DLGAP1: variants seen among roughly 807,000 people sequenced by gnomAD.
The protein encoded by DLGAP1 is disks large-associated protein 1.
A neutral mutation model predicts 90.8 loss-of-function variants in DLGAP1; 11 were observed. The ratio of observed to expected loss-of-function variants is 0.12; its 90% confidence interval spans 0.08 to 0.20. The LOEUF is 0.20. DLGAP1 is among the 10% of genes least tolerant of loss of function. The probability of loss-of-function intolerance (pLI) is 1.00; values close to 1 mark genes in which losing one functional copy is unlikely to be tolerated. For missense variants in DLGAP1, 1,050 were observed against 1,333.8 expected (o/e 0.79, Z 3.31); for synonymous variants, 558 against 540.7 (o/e 1.03, Z -0.44).
chr18:3,934,671 C>T (rs966311391), intron 3 of DLGAP1, among the ~76,000 whole-genome samples: 8 of 152,294 alleles, frequency 5.3e-5, no homozygotes, highest in Admixed American at 5.2e-4. Context: ...TATCAAAGAT[C>T]ACACACGCTG....
intron 1 of DLGAP1, among the ~76,000 whole-genome samples, chr18:4,246,874 A>AAAAGG (rs71160949): frequency 0.6 from 91,451 of 151,596 alleles, 28,956 homozygotes; most frequent in East Asian, 0.82. Context: ...TCAGAAAAAG[A>AAAAGG]AAAGAAAAAG....
chr18:3,656,201 G>T, intron 7 of DLGAP1: 1 of 1,160,532 alleles, frequency 8.6e-7, no homozygotes, highest in Non-Finnish European at 1.2e-6. Flanking sequence ...CTTCAGATTT[G>T]GATTTTTCTT....
chr18:3,818,838 C>T (rs1242356507), intron 4 of DLGAP1, among the ~76,000 whole-genome samples: 1 of 151,350 alleles, frequency 6.6e-6, no homozygotes, highest in Non-Finnish European at 1.5e-5. Context: ...TCATGATCTG[C>T]CTGCCTCGGC....
At chr18:4,253,728 C>T (rs563294854) in intron 1 of DLGAP1, among the ~76,000 whole-genome samples, 50 of 152,262 alleles carry the variant, frequency 3.3e-4, no homozygotes, top group Non-Finnish European at 4.4e-4. Context: ...ATTATCAAGA[C>T]ACTACCCTTT....
At chr18:3,646,742 G>C (rs1365016589) in intron 7 of DLGAP1, among the ~76,000 whole-genome samples, 1 of 151,980 alleles carries the variant, frequency 6.6e-6, no homozygotes, top group Non-Finnish European at 1.5e-5. Flanking sequence ...GGCTAACACG[G>C]TGAAACCTCG....
At chr18:4,016,557 C>T (rs955194532) in intron 2 of DLGAP1, among the ~76,000 whole-genome samples, 1 of 152,188 alleles carries the variant, frequency 6.6e-6, no homozygotes, top group Non-Finnish European at 1.5e-5. Flanking sequence ...AACCATTACA[C>T]AAATCTTTGG....
intron 3 of DLGAP1, chr18:3,896,117 C>T (rs1447466092): frequency 1.3e-5 from 2 of 152,200 alleles, no homozygotes; most frequent in Non-Finnish European, 2.9e-5. Context: ...TGCTCCTTCT[C>T]ATGCTTGCAA....
chr18:4,062,308 C>T (rs1388840908), intron 2 of DLGAP1, among the ~76,000 whole-genome samples: 3 of 152,144 alleles, frequency 2.0e-5, no homozygotes, highest in Non-Finnish European at 4.4e-5. Context: ...GAATGGCATG[C>T]TTTCCTTTAA....
chr18:3,868,189 G>A (rs2070524303), intron 4 of DLGAP1, among the ~76,000 whole-genome samples: 2 of 152,144 alleles, frequency 1.3e-5, no homozygotes, highest in Admixed American at 6.5e-5. Flanking sequence ...ATCTAAAATC[G>A]ACTAGAAGGC....
chr18:3,635,278 C>G (rs1000325499), intron 7 of DLGAP1, among the ~76,000 whole-genome samples: 3 of 151,990 alleles, frequency 2.0e-5, no homozygotes, highest in East Asian at 3.9e-4. Flanking sequence ...CTACAGGCGC[C>G]CGCCACCACG....
At chr18:3,646,725 C>T (rs2059128723) in intron 7 of DLGAP1, among the ~76,000 whole-genome samples, 1 of 151,740 alleles carries the variant, frequency 6.6e-6, no homozygotes, top group East Asian at 1.9e-4. Context: ...GAGATTGAGA[C>T]CATCCTGGCT....
At chr18:3,589,686 CT>C (rs1275359602) in intron 7 of DLGAP1, among the ~76,000 whole-genome samples, 1 of 152,132 alleles carries the variant, frequency 6.6e-6, no homozygotes, top group Non-Finnish European at 1.5e-5. Flanking sequence ...ATCAAGCAAG[CT>C]GTGATTTGAT....
intron 2 of DLGAP1, among the ~76,000 whole-genome samples, chr18:4,071,195 G>T (rs2075441373): frequency 6.6e-6 from 1 of 151,460 alleles, no homozygotes; most frequent in Non-Finnish European, 1.5e-5. Context: ...TTAGAAATGG[G>T]AAAATATAAA....
intron 6 of DLGAP1, among the ~76,000 whole-genome samples, chr18:3,738,671 C>A (rs1431775398): frequency 1.3e-5 from 2 of 151,136 alleles, no homozygotes; most frequent in South Asian, 4.2e-4. Flanking sequence ...CCATAAAAAC[C>A]CTAGAAGAAA....
chr18:3,998,885 T>C (rs9966360), intron 3 of DLGAP1, among the ~76,000 whole-genome samples: 106,671 of 152,134 alleles, frequency 0.7, 37,534 homozygotes, highest in East Asian at 0.76. Flanking sequence ...AGGCAAATTA[T>C]TGTGTTTTAC....
intron 3 of DLGAP1, among the ~76,000 whole-genome samples, chr18:3,947,321 T>C (rs2072896409): frequency 6.6e-6 from 1 of 152,260 alleles, no homozygotes; most frequent in Non-Finnish European, 1.5e-5. Context: ...ACTAGGCTTG[T>C]CTGATCATGG....
intron 2 of DLGAP1, among the ~76,000 whole-genome samples, chr18:4,110,181 A>G (rs929250869): frequency 2.0e-5 from 3 of 152,198 alleles, no homozygotes; most frequent in African/African-American, 7.2e-5. Flanking sequence ...ACGGTATAGC[A>G]TATTGCTCCC....
chr18:3,948,952 G>A (rs983638921), intron 3 of DLGAP1, among the ~76,000 whole-genome samples: 4 of 151,798 alleles, frequency 2.6e-5, no homozygotes, highest in African/African-American at 9.7e-5. Context: ...ATAAAAATAT[G>A]GACTAAGAAA....
intron 7 of DLGAP1, among the ~76,000 whole-genome samples, chr18:3,659,445 A>ACCCCCCCCCCC (rs61527537): frequency 9.5e-5 from 10 of 105,312 alleles, no homozygotes; most frequent in African/African-American, 3.5e-4. Context: ...GGATGCTACC[A>ACCCCCCCCCCC]CCCCCCGCCG....
Sources: allele counts gnomAD v4.1 joint callset (sites outside exome capture counted in the v4.1 genomes callset), GRCh38; gene constraint gnomAD v4.1.1; transcripts MANE v1.5; gene names NCBI Gene and HGNC (gene_info 2026-07-23, HGNC 2026-07-21).